ELOVL5: variants seen among roughly 807,000 people sequenced by gnomAD.
The protein encoded by ELOVL5 is ELOVL fatty acid elongase 5.
Under a neutral mutation model 38.6 loss-of-function variants are expected in ELOVL5, and 8 were observed. The observed-to-expected ratio is 0.21, with a 90% CI of 0.12 to 0.37. The LOEUF is 0.37. ELOVL5 is among the 10% of genes least tolerant of loss of function. The pLI is 1.00. For missense variants in ELOVL5, 280 were observed against 367.8 expected (o/e 0.76, Z 1.95); for synonymous variants, 127 against 133.7 (o/e 0.95, Z 0.34).
At chr6:53,324,026 G>C (rs1008520980) in intron 1 of ELOVL5, among the ~76,000 whole-genome samples, 3 of 152,124 alleles carry the variant, frequency 2.0e-5, no homozygotes, top group Non-Finnish European at 2.9e-5. Flanking sequence ...ACTGAGGCAG[G>C]CTGATCAATT....
intron 2 of ELOVL5, 106 bp from the exon 3 acceptor site, chr6:53,292,069 G>T: frequency 1.6e-6 from 1 of 634,316 alleles, no homozygotes; most frequent in Non-Finnish European, 2.6e-6. Flanking sequence ...TGGTATTCAT[G>T]TTCTTAATTC....
At chr6:53,340,666 C>T (rs983452446) in intron 1 of ELOVL5, among the ~76,000 whole-genome samples, 1 of 152,198 alleles carries the variant, frequency 6.6e-6, no homozygotes, top group Non-Finnish European at 1.5e-5. Context: ...ACTTGCTGTA[C>T]AGGTTTGTAG....
intron 1 of ELOVL5, among the ~76,000 whole-genome samples, chr6:53,334,353 C>T (rs527574747): frequency 1.3e-5 from 2 of 152,232 alleles, no homozygotes; most frequent in Non-Finnish European, 2.9e-5. Context: ...CCTGAGAAGA[C>T]CTGCAGCACA....
chr6:53,340,982 G>A (rs969956746), intron 1 of ELOVL5, among the ~76,000 whole-genome samples: 1 of 152,130 alleles, frequency 6.6e-6, no homozygotes, highest in Non-Finnish European at 1.5e-5. Flanking sequence ...CTAGGACCGG[G>A]TAAGGAAACC....
Position 53,298,900 on chromosome 6 carries a change from C to CA in ELOVL5, c.-8-3194_-8-3193insT, listed in dbSNP as rs773606807. On this transcript the variant is annotated intron_variant, in intron 1 of 7. Transcript: ENST00000304434. ...ACAGCAAGAGAAGGTGGGGGCAAGG[C>CA]GGGGGGGGGGAGTTGATAATATATC... Among the ~76,000 whole-genome samples the CA allele has an allele frequency of 1.8e-4, 14 of 79,404 alleles. 1 individual carries two copies. Among genetic ancestry groups the CA allele is most frequent in the African/African-American group, 6.4e-4 (14 of 21,822 alleles). 52.1% of individuals were successfully genotyped at this position (79,404 alleles called of 152,430 possible).
intron 1 of ELOVL5, among the ~76,000 whole-genome samples, chr6:53,297,665 C>T (rs922360895): frequency 5.3e-5 from 8 of 151,960 alleles, no homozygotes; most frequent in African/African-American, 1.9e-4. Context: ...TTATAAAGTA[C>T]ACTTTATTAT....
At chr6:53,343,856 T>C (rs1477972448) in intron 1 of ELOVL5, among the ~76,000 whole-genome samples, 2 of 152,226 alleles carry the variant, frequency 1.3e-5, no homozygotes, top group Admixed American at 6.5e-5. Context: ...ATAACTATCA[T>C]GGGAGCAGAG....
intron 1 of ELOVL5, among the ~76,000 whole-genome samples, chr6:53,340,199 A>G (rs1769269077): frequency 6.6e-6 from 1 of 152,042 alleles, no homozygotes; most frequent in South Asian, 2.1e-4. Flanking sequence ...GAAATGTTAC[A>G]ATAAGCTACA....
At chr6:53,275,821 C>G (rs1427525588) in intron 4 of ELOVL5, among the ~76,000 whole-genome samples, 1 of 152,156 alleles carries the variant, frequency 6.6e-6, no homozygotes, top group Non-Finnish European at 1.5e-5. Context: ...GAGTGGAAGT[C>G]AGATTTTATT....
chr6:53,278,864 T>G (rs1178812537), intron 3 of ELOVL5, among the ~76,000 whole-genome samples: 1 of 152,190 alleles, frequency 6.6e-6, no homozygotes, highest in Non-Finnish European at 1.5e-5. Flanking sequence ...AACCCTCCAG[T>G]GAGTCATCAT....
chr6:53,305,893 C>T (rs2127580486), intron 1 of ELOVL5, among the ~76,000 whole-genome samples: 1 of 152,158 alleles, frequency 6.6e-6, no homozygotes, highest in African/African-American at 2.4e-5. Flanking sequence ...GATCACGCCA[C>T]TGCACTCCAG....
chr6:53,273,449 GA>G, intron 5 of ELOVL5, 105 bp from the exon 6 acceptor site: 1 of 1,083,246 alleles, frequency 9.2e-7, no homozygotes. Flanking sequence ...CAGAAAGAGA[GA>G]TGACTTCCAA....
chr6:53,271,398 A>C (rs933110359), intron 6 of ELOVL5, among the ~76,000 whole-genome samples: 18 of 152,142 alleles, frequency 1.2e-4, no homozygotes, highest in Non-Finnish European at 1.5e-5. Context: ...AAAAATACAA[A>C]AATTAGCTGG....
chr6:53,272,819 T>C (rs908581659), intron 6 of ELOVL5, among the ~76,000 whole-genome samples: 4 of 152,170 alleles, frequency 2.6e-5, no homozygotes, highest in Non-Finnish European at 4.4e-5. Context: ...GGGCTACACA[T>C]ACCCTGGACT....
chr6:53,316,192 A>G lies in ELOVL5; in HGVS notation c.-8-20485T>C, dbSNP rs572935421. ...AAACATACATTTAACACACTGTCAC[A>G]GGCACTGGAGACACAGAAATCCACA... On this transcript the variant is annotated intron_variant, in intron 1 of 7. Coordinates refer to ENST00000304434, the MANE Select transcript of ELOVL5 (RefSeq NM_021814.5). 5.1e-4 allele frequency among the ~76,000 whole-genome samples: 78 copies of G among 152,360 alleles called. 1 individual carries two copies. Among genetic ancestry groups the G allele is most frequent in the African/African-American group, 1.7e-3 (71 of 41,588 alleles).
intron 7 of ELOVL5, 142 bp downstream of exon 7, chr6:53,270,451 G>C: frequency 1.2e-6 from 1 of 829,110 alleles, no homozygotes; most frequent in Non-Finnish European, 1.9e-6. Context: ...CCAGAGGCAG[G>C]GGCTGCTCTT....
intron 1 of ELOVL5, among the ~76,000 whole-genome samples, chr6:53,310,784 T>C (rs995645050): frequency 3.3e-5 from 5 of 152,164 alleles, no homozygotes; most frequent in African/African-American, 1.2e-4. Flanking sequence ...AAGCTATTAT[T>C]TGGCAGCTTA....
At chr6:53,289,323 G>A (rs1025409405) in intron 3 of ELOVL5, among the ~76,000 whole-genome samples, 1 of 152,144 alleles carries the variant, frequency 6.6e-6, no homozygotes, top group African/African-American at 2.4e-5. Context: ...CTAAAATGAG[G>A]GGCCCCATGG....
rs763389102 is a variant in ELOVL5 at position 53,269,262 on chromosome 6, G to A, written c.765C>T (p.Asn255=). 9 of 1,609,918 alleles carry A rather than the reference G, an allele frequency of 5.6e-6. No individual in the cohort carries two copies. In the South Asian group the frequency reaches 8.8e-5, roughly 16 times the overall value. Residue 255 remains asparagine, a synonymous_variant, in exon 8 of 8, where the codon AAC becomes AAT. Coordinates refer to ENST00000304434, the MANE Select transcript of ELOVL5 (RefSeq NM_021814.5). ...CTTTCCTTCGGGAGGCCCCTTTCTTGTTGTAGGTCTAAAATGTGTAAGGGC... is the reference window on the plus strand; with the variant it reads ...CTTTCCTTCGGGAGGCCCCTTTCTTATTGTAGGTCTAAAATGTGTAAGGGC... The part of the protein sequence containing the change: ...LFTNFYIQTY[N]KKGASRRKDH...
Sources: allele counts gnomAD v4.1 joint callset (sites outside exome capture counted in the v4.1 genomes callset), GRCh38; gene constraint gnomAD v4.1.1; transcripts MANE v1.5; gene names NCBI Gene and HGNC (gene_info 2026-07-23, HGNC 2026-07-21).